Variants in PCDHA7 observed in about 807,000 individuals in gnomAD.
PCDHA7 encodes protocadherin alpha 7.
PCDHA7 carries 37 observed loss-of-function variants against 57.2 expected under a neutral mutation model. The ratio of observed to expected loss-of-function variants is 0.65; its 90% CI spans 0.50 to 0.85. PCDHA7 has a LOEUF of 0.85. Among genes scored for constraint, PCDHA7 ranks in the 40% least tolerant of loss-of-function variants. The pLI is 0.00. For synonymous variants in PCDHA7, 553 were observed against 558.8 expected (o/e 0.99, Z 0.15); for missense variants, 1,188 against 1,241.8 (o/e 0.96, Z 0.65).
intron 3 of PCDHA7, among the ~76,000 whole-genome samples, chr5:141,003,860 G>T (rs1224171720): frequency 6.6e-6 from 1 of 152,136 alleles, no homozygotes; most frequent in African/African-American, 2.4e-5. Flanking sequence ...ATTTATATGT[G>T]TCTGAAATCC....
intron 1 of PCDHA7, among the ~76,000 whole-genome samples, chr5:140,958,001 T>C (rs1257234939): frequency 6.6e-6 from 1 of 152,144 alleles, no homozygotes; most frequent in Non-Finnish European, 1.5e-5. Flanking sequence ...ATTTTTTGTT[T>C]CAATTCTATC....
At chr5:140,877,627 A>G (rs782765998) in intron 1 of PCDHA7, 3 of 1,613,732 alleles carry the variant, frequency 1.9e-6, no homozygotes, top group Admixed American at 3.3e-5. Context: ...GCTGCTGTAC[A>G]CTGCGCTGCG....
Position 140,834,510 on chromosome 5 carries a change from A to C in PCDHA7, c.127A>C (p.Asn43His). Residue 43 changes from asparagine (N) to histidine (H), a missense_variant, in exon 1 of 4, where the codon AAC becomes CAC. By Grantham distance (68) the Asn-to-His change is moderately conservative. Transcript: ENST00000525929. Reference sequence around the variant, plus strand: ...GGTCCCCGAGGAGGCTAAACATGGCAACTTCGTGGGCCGCATCGCGCAGGA... The same window carrying C: ...GGTCCCCGAGGAGGCTAAACATGGCCACTTCGTGGGCCGCATCGCGCAGGA... ...YSVPEEAKHG[N>H]FVGRIAQDLG... 1.2e-6 allele frequency: 2 copies of C among 1,614,108 alleles called. No homozygotes were observed. Among genetic ancestry groups the C allele is most frequent in the Non-Finnish European group, 1.7e-6 (2 of 1,180,048 alleles).
In PCDHA7 at chr5:140,844,917, G is replaced by T. The variant is rs2150375061; in HGVS notation, c.2355+8179G>T. On this transcript the variant is annotated intron_variant, in intron 1 of 3. Coordinates refer to ENST00000525929, the MANE Select transcript of PCDHA7 (RefSeq NM_018910.3). ...TGCTTTGGAGAGAATGGTAGAAATT[G>T]ATGGAAGGGAATGAACGATTTCTGG... 3.9e-4 allele frequency among the ~76,000 whole-genome samples: 58 copies of T among 149,480 alleles called. 5 individuals carry two copies. The highest frequency in any genetic ancestry group is 2.2e-3 in the Admixed American group (33 of 14,920).
At chr5:140,876,062 G>T in intron 1 of PCDHA7, 1 of 1,613,842 alleles carries the variant, frequency 6.2e-7, no homozygotes, top group Non-Finnish European at 8.5e-7. Context: ...TTAGTTCTTC[G>T]GAAGTTATTG....
intron 1 of PCDHA7, among the ~76,000 whole-genome samples, chr5:140,917,561 C>T (rs1286710001): frequency 6.6e-6 from 1 of 152,214 alleles, no homozygotes; most frequent in Non-Finnish European, 1.5e-5. Flanking sequence ...ACTCTTTAAT[C>T]CATCTCAGGC....
intron 1 of PCDHA7, chr5:140,883,392 C>T (rs1554178015): frequency 1.9e-6 from 3 of 1,614,184 alleles, no homozygotes; most frequent in South Asian, 2.2e-5. Flanking sequence ...ATCAGTGTGT[C>T]CGATCGTGAC....
rs185756096 is a variant in PCDHA7, at chr5:140,914,471, T to C, written c.2356-64478T>C. On this transcript the variant is annotated intron_variant, in intron 1 of 3. Coordinates refer to ENST00000525929, the MANE Select transcript of PCDHA7 (RefSeq NM_018910.3). The stretch of plus-strand genomic sequence containing the variant: ...ATTTTCCAGTCTATGTGTATCTTCA[T>C]AGGTGAAGTGTTTCTTGTGGGCAAC... Among the ~76,000 whole-genome samples the C allele has an allele frequency of 2.9e-3, 442 of 152,310 alleles. 1 individual carries two copies. Among genetic ancestry groups the C allele is most frequent in the African/African-American group, 0.01 (423 of 41,574 alleles).
intron 1 of PCDHA7, among the ~76,000 whole-genome samples, chr5:140,894,001 G>A (rs2064275871): frequency 6.6e-6 from 1 of 152,098 alleles, no homozygotes; most frequent in African/African-American, 2.4e-5. Context: ...CAATTGTATG[G>A]TTGGTTCAAA....
rs145175505 is a variant in PCDHA7 at position 140,843,176 on chromosome 5, C to G, written c.2355+6438C>G. On this transcript the variant is annotated intron_variant, in intron 1 of 3. Coordinates refer to ENST00000525929, the MANE Select transcript of PCDHA7 (RefSeq NM_018910.3). Reference sequence around the variant, plus strand: ...GCTGCAGCCAGCTGCAAGCAGCCCTCGCATCCCGTTCCGCGTGGGGCTGTA... The same window carrying G: ...GCTGCAGCCAGCTGCAAGCAGCCCTGGCATCCCGTTCCGCGTGGGGCTGTA... 2 of 1,595,968 alleles carry G rather than the reference C, an allele frequency of 1.3e-6. No homozygotes were observed. Among genetic ancestry groups the G allele is most frequent in the Non-Finnish European group, 1.7e-6 (2 of 1,165,618 alleles).
intron 3 of PCDHA7, among the ~76,000 whole-genome samples, chr5:141,001,281 A>T (rs1239906088): frequency 6.6e-6 from 1 of 152,168 alleles, no homozygotes; most frequent in African/African-American, 2.4e-5. Context: ...TTTTTTACGG[A>T]TGAAAACTGA....
Position 140,835,703 on chromosome 5 carries a change from C to T in PCDHA7, c.1320C>T (p.Ser440=), listed in dbSNP as rs2150242433. The change falls in exon 1 of 4, where the codon AGC becomes AGT. Residue 440 remains serine (S), a synonymous_variant. Coordinates refer to ENST00000525929, the MANE Select transcript of PCDHA7 (RefSeq NM_018910.3). ...CGCCTTCTCTGTGGGCCACTGCTAGCGTGTCCGTGGAGGTGGCCGACGTGA... is the reference window on the plus strand; with the variant it reads ...CGCCTTCTCTGTGGGCCACTGCTAGTGTGTCCGTGGAGGTGGCCGACGTGA... The part of the protein sequence containing the change: ...GGSPSLWATA[S]VSVEVADVND... The T allele has an allele frequency of 2.5e-6, 4 of 1,613,784 alleles. No homozygotes were observed. The highest frequency in any genetic ancestry group is 2.7e-5 in the African/African-American group (2 of 74,934).
chr5:140,971,161 C>T (rs189213416), intron 1 of PCDHA7, among the ~76,000 whole-genome samples: 1 of 152,292 alleles, frequency 6.6e-6, no homozygotes, highest in Non-Finnish European at 1.5e-5. Flanking sequence ...CCAGGCTCAG[C>T]TTTGCCACCA....
intron 1 of PCDHA7, among the ~76,000 whole-genome samples, chr5:140,947,885 A>G (rs2094188913): frequency 6.6e-6 from 1 of 151,584 alleles, no homozygotes; most frequent in Non-Finnish European, 1.5e-5. Context: ...AGGACAATAT[A>G]AACAGAAGTG....
chr5:140,836,773 A>G lies in PCDHA7; in HGVS notation c.2355+35A>G, dbSNP rs2150269695. On this transcript the variant is annotated intron_variant, in intron 1 of 3. Transcript: ENST00000525929. ...AAATAATCTTGTTTCCAACAATTTT[A>G]AAACAATTAGTTCAATTGGTCTCCT... is the stretch of plus-strand genomic sequence containing the variant. The G allele has an allele frequency of 2.6e-6, 4 of 1,543,022 alleles. No individual in the cohort carries two copies. The East Asian group carries it at 9.0e-5, about 35-fold the overall frequency.
In PCDHA7 at chr5:140,843,066, C is replaced by G. The variant is rs2150351563; in HGVS notation, c.2355+6328C>G. 18 of 1,595,216 alleles carry G rather than the reference C, an allele frequency of 1.1e-5. 2 individuals are homozygous for G. Among genetic ancestry groups the G allele is most frequent in the East Asian group, 4.5e-5 (2 of 44,812 alleles). On this transcript the variant is annotated intron_variant, in intron 1 of 3. Coordinates refer to ENST00000525929, the MANE Select transcript of PCDHA7 (RefSeq NM_018910.3). ...GGTGGCGCAGCGAGCAAGCTGGTGC[C>G]GCGGTCTGTGGGCGCGGGCCACGTG...
intron 1 of PCDHA7, chr5:140,876,854 C>CA (rs1554169042): frequency 6.2e-7 from 1 of 1,613,994 alleles, no homozygotes; most frequent in Non-Finnish European, 8.5e-7. Context: ...CCCGAGTACA[C>CA]AGTGTTCGTG....
At chr5:140,875,772 G>T (rs781933974) in intron 1 of PCDHA7, 2 of 1,614,136 alleles carry the variant, frequency 1.2e-6, no homozygotes, top group Non-Finnish European at 1.7e-6. Context: ...GGCGGAGCGC[G>T]GAGTGCAGTA....
intron 1 of PCDHA7, chr5:140,884,600 C>G: frequency 6.2e-7 from 1 of 1,614,150 alleles, no homozygotes; most frequent in African/African-American, 1.3e-5. Flanking sequence ...CAGCCTTCCT[C>G]CTTGTCTGGG....
Sources: gnomAD v4.1 joint callset for allele counts (sites outside exome capture counted in the v4.1 genomes callset) on GRCh38, gnomAD v4.1.1 for gene constraint, MANE v1.5 for transcripts, NCBI Gene and HGNC (gene_info 2026-07-23, HGNC 2026-07-21) for gene names.